CACNB4: variants seen among roughly 807,000 people sequenced by gnomAD.
The protein encoded by CACNB4 is voltage-dependent L-type calcium channel subunit beta-4.
CACNB4 carries 32 observed loss-of-function variants against 71.2 expected under a neutral mutation model. The ratio of observed to expected loss-of-function variants is 0.45; its 90% CI spans 0.34 to 0.60. The LOEUF (loss-of-function observed/expected upper bound fraction) is 0.60, where lower values mean the gene tolerates loss of function less well. CACNB4 is among the 20% of genes least tolerant of loss of function. The pLI, the probability that CACNB4 is intolerant of heterozygous loss-of-function variation, is 0.01. For synonymous variants in CACNB4, 231 were observed against 236.9 expected (o/e 0.97, Z 0.23); for missense variants, 464 against 647.9 (o/e 0.72, Z 3.08).
chr2:152,071,907 C>T (rs190048234), intron 2 of CACNB4, among the ~76,000 whole-genome samples: 2 of 152,336 alleles, frequency 1.3e-5, no homozygotes. Flanking sequence ...GTAAACCACT[C>T]CTGCCATTTA....
At chr2:151,964,316 A>T (rs1560080583) in intron 2 of CACNB4, among the ~76,000 whole-genome samples, 1 of 152,186 alleles carries the variant, frequency 6.6e-6, no homozygotes, top group Non-Finnish European at 1.5e-5. Flanking sequence ...ATTTTTAAAG[A>T]TTACAAATAT....
intron 3 of CACNB4, among the ~76,000 whole-genome samples, chr2:151,881,224 T>A (rs2099847743): frequency 6.6e-6 from 1 of 152,084 alleles, no homozygotes; most frequent in Non-Finnish European, 1.5e-5. Flanking sequence ...TCTCTAATCT[T>A]AAAATCTGTG....
At chr2:151,876,691 A>G (rs144665399) in intron 4 of CACNB4, 135 bp from the exon 5 acceptor site, 7,396 of 431,476 alleles carry the variant, frequency 0.017, 80 homozygotes, top group South Asian at 0.027. Flanking sequence ...ACTATATTTT[A>G]TATGTATATG....
chr2:151,912,582 C>T (rs1166837717), intron 2 of CACNB4, among the ~76,000 whole-genome samples: 1 of 152,074 alleles, frequency 6.6e-6, no homozygotes, highest in African/African-American at 2.4e-5. Flanking sequence ...GTTTTACTTC[C>T]AATTATGTGG....
chr2:152,073,430 C>CTG (rs1183725535), intron 2 of CACNB4, among the ~76,000 whole-genome samples: 1 of 152,162 alleles, frequency 6.6e-6, no homozygotes, highest in African/African-American at 2.4e-5. Context: ...TGCCATTCGC[C>CTG]TGTGTAGTAA....
At chr2:152,051,087 A>C (rs928143898) in intron 2 of CACNB4, among the ~76,000 whole-genome samples, 5 of 151,902 alleles carry the variant, frequency 3.3e-5, no homozygotes, top group Non-Finnish European at 7.4e-5. Context: ...TTTTTCTAAA[A>C]CACCACCACC....
intron 2 of CACNB4, among the ~76,000 whole-genome samples, chr2:152,016,761 G>A (rs529399427): frequency 7.9e-5 from 12 of 152,292 alleles, no homozygotes; most frequent in African/African-American, 2.6e-4. Context: ...CACAATAACT[G>A]TGCTTCGGAT....
intron 2 of CACNB4, among the ~76,000 whole-genome samples, chr2:152,077,150 G>A (rs1197717083): frequency 2.0e-5 from 3 of 152,268 alleles, no homozygotes; most frequent in Non-Finnish European, 2.9e-5. Flanking sequence ...GCCGAGCACA[G>A]TGGCTCATGC....
chr2:151,882,920 T>G, intron 3 of CACNB4: 1 of 359,120 alleles, frequency 2.8e-6, no homozygotes, highest in Non-Finnish European at 5.3e-6. Flanking sequence ...AAGTAATGGA[T>G]GAGGAGGGGC....
intron 2 of CACNB4, among the ~76,000 whole-genome samples, chr2:151,941,189 C>G (rs1182431997): frequency 6.6e-6 from 1 of 151,730 alleles, no homozygotes; most frequent in Non-Finnish European, 1.5e-5. Context: ...TTAGCAAATG[C>G]CTATTTGAGC....
intron 2 of CACNB4, among the ~76,000 whole-genome samples, chr2:151,905,358 C>T (rs2099854517): frequency 6.6e-6 from 1 of 152,088 alleles, no homozygotes; most frequent in African/African-American, 2.4e-5. Flanking sequence ...ATATTGCTTC[C>T]CCCTAAAACA....
intron 2 of CACNB4, among the ~76,000 whole-genome samples, chr2:152,006,401 C>T (rs1381430812): frequency 2.9e-5 from 4 of 138,544 alleles, no homozygotes; most frequent in Admixed American, 7.4e-5. Flanking sequence ...TCTTTTCTTT[C>T]TTTTTTTTTT....
chr2:151,909,303 C>T (rs544564040), intron 2 of CACNB4, among the ~76,000 whole-genome samples: 10 of 150,966 alleles, frequency 6.6e-5, no homozygotes, highest in East Asian at 2.0e-4. Context: ...GGCATGGTGG[C>T]GGGCACCTGT....
chr2:152,024,782 G>A (rs114716127), intron 2 of CACNB4, among the ~76,000 whole-genome samples: 3,005 of 152,330 alleles, frequency 0.02, 111 homozygotes, highest in African/African-American at 0.069. Flanking sequence ...AGGGCTAGGC[G>A]TGGTGGCTCA....
intron 2 of CACNB4, among the ~76,000 whole-genome samples, chr2:152,074,447 C>T (rs746629564): frequency 6.6e-5 from 10 of 151,400 alleles, no homozygotes; most frequent in Non-Finnish European, 1.3e-4. Flanking sequence ...ACCAAGCCAT[C>T]GTGGCATAAT....
chr2:151,885,219 C>T (rs1186027738), intron 2 of CACNB4, among the ~76,000 whole-genome samples: 1 of 152,210 alleles, frequency 6.6e-6, no homozygotes, highest in Non-Finnish European at 1.5e-5. Context: ...GTTACTGGAC[C>T]ACTCTGAGAC....
intron 2 of CACNB4, among the ~76,000 whole-genome samples, chr2:151,896,531 C>A (rs1345412140): frequency 1.3e-5 from 2 of 152,144 alleles, no homozygotes; most frequent in East Asian, 3.9e-4. Context: ...ACTTTTGTGG[C>A]CTTGATGGTA....
chr2:152,049,153 TTC>T (rs1431045223), intron 2 of CACNB4, among the ~76,000 whole-genome samples: 2 of 151,728 alleles, frequency 1.3e-5, no homozygotes, highest in East Asian at 1.9e-4. Flanking sequence ...CCCATTTGCA[TTC>T]TCTCTTTTTT....
At chr2:151,924,949 T>C (rs751218246) in intron 2 of CACNB4, among the ~76,000 whole-genome samples, 4 of 152,218 alleles carry the variant, frequency 2.6e-5, no homozygotes, top group Non-Finnish European at 5.9e-5. Flanking sequence ...CTTTCTGACC[T>C]ATTTAAACAG....
Sources: allele counts gnomAD v4.1 joint callset (sites outside exome capture counted in the v4.1 genomes callset), GRCh38; gene constraint gnomAD v4.1.1; transcripts MANE v1.5; gene names NCBI Gene and HGNC (gene_info 2026-07-23, HGNC 2026-07-21).